Variants in PIGU observed in about 807,000 individuals in gnomAD.
The protein encoded by PIGU is phosphatidylinositol glycan anchor biosynthesis class U, also known as GPI-anchor transamidase component PIGU.
In PIGU, 24 loss-of-function variants were observed where a neutral mutation model predicts 49.9. That is an observed-to-expected ratio of 0.48 (90% CI 0.35 to 0.68). The LOEUF is 0.68. Among genes scored for constraint, PIGU ranks in the 30% least tolerant of loss-of-function variants. The pLI is 0.01. For synonymous variants in PIGU, 220 were observed against 205.7 expected (o/e 1.07, Z -0.59); for missense variants, 490 against 532.6 (o/e 0.92, Z 0.79).
At chr20:34,650,676 AT>A (rs1334673896) in intron 2 of PIGU, among the ~76,000 whole-genome samples, 1 of 89,580 alleles carries the variant, frequency 1.1e-5, no homozygotes, top group Non-Finnish European at 2.5e-5. Context: ...ATGCTTGGTA[AT>A]TTTTTTCCTT....
chr20:34,611,944 C>T (rs961929387), intron 7 of PIGU, among the ~76,000 whole-genome samples: 1 of 152,194 alleles, frequency 6.6e-6, no homozygotes, highest in Non-Finnish European at 1.5e-5. Flanking sequence ...TTGTGGAAGA[C>T]AGTGTGGCGA....
At chr20:34,565,435 T>C (rs1982706674) in intron 11 of PIGU, among the ~76,000 whole-genome samples, 1 of 152,008 alleles carries the variant, frequency 6.6e-6, no homozygotes, top group Non-Finnish European at 1.5e-5. Flanking sequence ...TCTTTTTTTG[T>C]ATTTTTAGTA....
At chr20:34,594,269 A>G (rs1371275198) in intron 7 of PIGU, among the ~76,000 whole-genome samples, 3 of 152,250 alleles carry the variant, frequency 2.0e-5, no homozygotes, top group Non-Finnish European at 4.4e-5. Context: ...CAATATGAAA[A>G]TAAGTATATA....
chr20:34,634,035 G>A (rs1289426566), intron 6 of PIGU, among the ~76,000 whole-genome samples: 1 of 152,146 alleles, frequency 6.6e-6, no homozygotes, highest in Non-Finnish European at 1.5e-5. Context: ...GGAAGAAAGA[G>A]GAAGGCTGCT....
intron 7 of PIGU, among the ~76,000 whole-genome samples, chr20:34,614,602 G>C (rs1376350788): frequency 2.0e-5 from 3 of 148,816 alleles, no homozygotes; most frequent in Non-Finnish European, 4.4e-5. Context: ...TCCAGCCTGG[G>C]TGACAGAGCA....
intron 9 of PIGU, 110 bp from the exon 10 acceptor site, chr20:34,581,782 G>A (rs1322207572): frequency 1.5e-5 from 21 of 1,369,386 alleles, no homozygotes; most frequent in Non-Finnish European, 2.1e-5. Context: ...GGGACTTCAG[G>A]AAGGGGCTGG....
intron 1 of PIGU, among the ~76,000 whole-genome samples, chr20:34,659,246 G>A (rs1600667811): frequency 9.1e-6 from 1 of 110,168 alleles, no homozygotes; most frequent in African/African-American, 3.3e-5. Context: ...CGTCCGGGAG[G>A]GAGGTGGGGG....
At chr20:34,594,816 G>A (rs1441859673) in intron 7 of PIGU, among the ~76,000 whole-genome samples, 1 of 152,010 alleles carries the variant, frequency 6.6e-6, no homozygotes, top group Admixed American at 6.6e-5. Context: ...ATATAGGCTG[G>A]GCGCAGTGGC....
In PIGU at chr20:34,585,562, G is replaced by C; in HGVS notation, c.801C>G (p.Leu267=). The change falls in exon 9 of 12, where the codon CTC becomes CTG. Residue 267 remains leucine, a synonymous_variant. Coordinates refer to ENST00000217446, the MANE Select transcript of PIGU (RefSeq NM_080476.5). ...ACCAGAAAAGACCAATGTTTGGAGT[G>C]AGATCTGGAACAGAAAGTCTGGAAT... The part of the protein sequence containing the change: ...VYGFILSVPD[L]TPNIGLFWYF... The C allele has an allele frequency of 6.2e-7, 1 of 1,613,662 alleles. No homozygotes were observed. The highest frequency in any genetic ancestry group is 1.7e-5 in the Admixed American group (1 of 59,980).
At chr20:34,657,357 T>G in intron 1 of PIGU, 113 bp from the exon 2 acceptor site, 1 of 707,328 alleles carries the variant, frequency 1.4e-6, no homozygotes, top group Non-Finnish European at 2.5e-6. Context: ...CCCCTTTACC[T>G]CATCCCCAGC....
intron 1 of PIGU, among the ~76,000 whole-genome samples, chr20:34,672,368 C>T (rs1315136077): frequency 6.6e-6 from 1 of 152,146 alleles, no homozygotes; most frequent in Non-Finnish European, 1.5e-5. Context: ...ATCAATCTTC[C>T]CTTCTTTTGG....
intron 2 of PIGU, among the ~76,000 whole-genome samples, chr20:34,647,201 C>T (rs1449144978): frequency 2.0e-5 from 3 of 152,070 alleles, no homozygotes; most frequent in Middle Eastern, 3.2e-3. Flanking sequence ...GAACTCTCAA[C>T]CTCAGGTGAT....
chr20:34,676,986 C>T lies in PIGU; in HGVS notation c.100G>A (p.Val34Met), dbSNP rs1363860864. The T allele has an allele frequency of 6.3e-6, 10 of 1,580,990 alleles. No individual in the cohort carries two copies. Among genetic ancestry groups the T allele is most frequent in the Non-Finnish European group, 7.7e-6 (9 of 1,164,586 alleles). ...TTCCAAGAGCTCAGTGGGGACACCA[C>T]CTCCACCCGCTCGGAAATGAACTCG... ...LAEFISERVE[V>M]VSPLSSWKRV... The change falls in exon 1 of 12, where the codon GTG becomes ATG. Residue 34 changes from valine (V) to methionine (M), a missense_variant. Val to Met is a conservative substitution (Grantham distance 21, BLOSUM62 1). Transcript: ENST00000217446.
At chr20:34,590,577 G>A (rs200741759) in intron 7 of PIGU, among the ~76,000 whole-genome samples, 67 of 140,632 alleles carry the variant, frequency 4.8e-4, no homozygotes, top group African/African-American at 1.3e-3. Context: ...ATAGCGTAAC[G>A]TAACATAACA....
chr20:34,659,207 G>T (rs1484267205), intron 1 of PIGU, among the ~76,000 whole-genome samples: 1 of 143,508 alleles, frequency 7.0e-6, no homozygotes, highest in Non-Finnish European at 1.5e-5. Flanking sequence ...GGAGGTGGGG[G>T]GGTCAGCCCC....
At position 34,652,503 on chromosome 20, in the gene PIGU, T is replaced by A. The variant is rs959414243; in HGVS notation, c.195+4677A>T. Among the ~76,000 whole-genome samples, 71 of 152,348 alleles carry A rather than the reference T, an allele frequency of 4.7e-4. 1 individual carries two copies. The highest frequency in any genetic ancestry group is 1.5e-3 in the African/African-American group (63 of 41,582). ...TCTTTATTATTTCTTTTAATCTGCT[T>A]ACTTTGAGTATAATTTTATCTTTTC... On this transcript the variant is annotated intron_variant, in intron 2 of 11. Coordinates refer to ENST00000217446, the MANE Select transcript of PIGU (RefSeq NM_080476.5).
intron 7 of PIGU, among the ~76,000 whole-genome samples, chr20:34,612,940 C>A (rs144468034): frequency 6.6e-6 from 1 of 151,770 alleles, no homozygotes; most frequent in Non-Finnish European, 1.5e-5. Context: ...TTCATAGCAG[C>A]GTAAGAATGG....
At chr20:34,571,787 T>C (rs1983023326) in intron 11 of PIGU, among the ~76,000 whole-genome samples, 1 of 152,188 alleles carries the variant, frequency 6.6e-6, no homozygotes, top group African/African-American at 2.4e-5. Flanking sequence ...TTTTGCACTC[T>C]GAGGCTCCCA....
chr20:34,566,039 T>C (rs568993345), intron 11 of PIGU, among the ~76,000 whole-genome samples: 4 of 149,570 alleles, frequency 2.7e-5, no homozygotes, highest in East Asian at 2.0e-4. Context: ...TGCACACACA[T>C]ACACGCACGC....
Sources: allele counts gnomAD v4.1 joint callset (sites outside exome capture counted in the v4.1 genomes callset), GRCh38; gene constraint gnomAD v4.1.1; transcripts MANE v1.5; gene names NCBI Gene and HGNC (gene_info 2026-07-23, HGNC 2026-07-21).